Variants in L3MBTL3 observed in about 807,000 individuals in gnomAD.
L3MBTL3 encodes L3MBTL histone methyl-lysine binding protein 3, also known as lethal(3)malignant brain tumor-like protein 3.
A neutral mutation model predicts 102.3 loss-of-function variants in L3MBTL3; 27 were observed. The ratio of observed to expected loss-of-function variants is 0.26; its 90% CI spans 0.19 to 0.36. The LOEUF (loss-of-function observed/expected upper bound fraction) is 0.36. Ranked by LOEUF, L3MBTL3 falls within the 10% of genes least tolerant of loss-of-function variation. The probability of loss-of-function intolerance (pLI) is 1.00; values close to 1 mark genes in which losing one functional copy is unlikely to be tolerated. For missense variants in L3MBTL3, 798 were observed against 955.3 expected, an observed-to-expected ratio of 0.84 and a Z score of 2.17; for synonymous variants, 340 against 320.9, an observed-to-expected ratio of 1.06 and a Z score of -0.64.
At chr6:130,062,352 T>G (rs1781947225) in intron 10 of L3MBTL3, among the ~76,000 whole-genome samples, 1 of 151,832 alleles carries the variant, frequency 6.6e-6, no homozygotes, top group African/African-American at 2.4e-5. Context: ...ATTTTGTTTT[T>G]GACACACAGA....
intron 20 of L3MBTL3, among the ~76,000 whole-genome samples, chr6:130,124,827 G>A (rs898326395): frequency 6.6e-6 from 1 of 152,034 alleles, no homozygotes; most frequent in African/African-American, 2.4e-5. Context: ...GAAATCAGCC[G>A]GGCATGGTGG....
chr6:130,083,381 T>A (rs1027248928), intron 14 of L3MBTL3, among the ~76,000 whole-genome samples: 6 of 151,886 alleles, frequency 4.0e-5, no homozygotes, highest in Non-Finnish European at 5.9e-5. Flanking sequence ...ACTGTCTTTA[T>A]CTGAAAATAT....
At chr6:130,055,288 C>T (rs761191942) in intron 8 of L3MBTL3, 33 bp downstream of exon 8, 1 of 1,536,430 alleles carries the variant, frequency 6.5e-7, no homozygotes, top group Non-Finnish European at 8.9e-7. Flanking sequence ...TTACTTGTAA[C>T]TTTATGAAAT....
Position 130,077,050 on chromosome 6 carries a change from G to GA in L3MBTL3, c.1245-1507dup, listed in dbSNP as rs573713811. Reference sequence around the variant, plus strand: ...GTTTCTACTTTAAAATAAACACTGTGAGTCCGACAGATAATTATAAAAACT... The same window carrying GA: ...GTTTCTACTTTAAAATAAACACTGTGAAGTCCGACAGATAATTATAAAAACT... On this transcript the variant is annotated intron_variant, in intron 13 of 22. Coordinates refer to ENST00000361794, the MANE Select transcript of L3MBTL3 (RefSeq NM_032438.4). Among the ~76,000 whole-genome samples, 171 of 152,124 alleles carry GA rather than the reference G, an allele frequency of 1.1e-3. 1 individual carries two copies. The highest frequency in any genetic ancestry group is 4.0e-3 in the African/African-American group (167 of 41,522).
chr6:130,130,381 A>G (rs187855592), intron 20 of L3MBTL3, among the ~76,000 whole-genome samples: 8 of 152,342 alleles, frequency 5.3e-5, no homozygotes, highest in Admixed American at 5.2e-4. Flanking sequence ...GACTAATTAT[A>G]TGGCATGCAC....
intron 14 of L3MBTL3, among the ~76,000 whole-genome samples, chr6:130,081,997 G>A (rs1783389758): frequency 6.6e-6 from 1 of 152,128 alleles, no homozygotes; most frequent in African/African-American, 2.4e-5. Flanking sequence ...AGTAGGATTG[G>A]TATTTCCTCA....
At chr6:130,063,051 A>G (rs952890435) in intron 10 of L3MBTL3, among the ~76,000 whole-genome samples, 1 of 133,890 alleles carries the variant, frequency 7.5e-6, no homozygotes, top group East Asian at 2.2e-4. Flanking sequence ...ACAACATAGT[A>G]TTTGAATTCT....
chr6:130,055,901 GTCCCCTCCCCTTCCCTTCCC>G (rs1349464130), intron 8 of L3MBTL3, among the ~76,000 whole-genome samples: 3 of 140,666 alleles, frequency 2.1e-5, no homozygotes, highest in East Asian at 4.2e-4. Flanking sequence ...CTTCCCTTCT[GTCCCCTCCCCTTCCCTTCCC>G]TCCCCTCCCC....
intron 13 of L3MBTL3, among the ~76,000 whole-genome samples, chr6:130,076,027 C>T (rs914315050): frequency 2.6e-5 from 4 of 152,024 alleles, no homozygotes; most frequent in African/African-American, 4.8e-5. Flanking sequence ...CTTGATGACT[C>T]GGGCTGATGA....
At chr6:130,045,712 C>A (rs894573323) in intron 3 of L3MBTL3, among the ~76,000 whole-genome samples, 11 of 152,120 alleles carry the variant, frequency 7.2e-5, no homozygotes, top group African/African-American at 2.2e-4. Context: ...AAATTTATTT[C>A]AGCTGGAGGG....
At position 130,042,680 on chromosome 6, in the gene L3MBTL3, T is replaced by G. The variant is rs756562867; in HGVS notation, c.-15-5T>G. The stretch of plus-strand genomic sequence containing the variant: ...TTAGTGATATGCCTTCTTTTCCCCT[T>G]TCAGGTTAAAAAATAAATCATGACT... On this transcript the variant is annotated splice_region_variant and splice_polypyrimidine_tract_variant and intron_variant, in intron 2 of 22. Coordinates refer to ENST00000361794, the MANE Select transcript of L3MBTL3 (RefSeq NM_032438.4). The G allele has an allele frequency of 1.9e-6, 3 of 1,547,752 alleles. No homozygotes were observed. The South Asian group carries it at 3.3e-5, about 17-fold the overall frequency.
intron 14 of L3MBTL3, among the ~76,000 whole-genome samples, chr6:130,082,041 A>G (rs1476454838): frequency 6.6e-6 from 1 of 152,196 alleles, no homozygotes; most frequent in Non-Finnish European, 1.5e-5. Context: ...TTTGGCAGGA[A>G]TATCATAGAC....
At position 130,139,923 on chromosome 6, in the gene L3MBTL3, T is replaced by A. The variant is rs1408580680; in HGVS notation, c.*170T>A. 11 of 595,680 alleles carry A rather than the reference T, an allele frequency of 1.8e-5. No individual in the cohort carries two copies. The East Asian group carries it at 3.5e-4, about 19-fold the overall frequency. The allele number at this position is 595,680 out of a possible 1,614,324, so 36.9% of individuals were successfully genotyped here. On this transcript the variant is annotated 3_prime_UTR_variant, in exon 23 of 23. Transcript: ENST00000361794. ...CAATATATATGAATTCTTATGAAAG[T>A]GCTTGAGCTTTTAACCAGGTACTGT...
Position 130,082,370 on chromosome 6 carries a change from G to A in L3MBTL3, c.1322-1250G>A, listed in dbSNP as rs9492447. 2.6e-5 allele frequency among the ~76,000 whole-genome samples: 4 copies of A among 151,906 alleles called. No homozygotes were observed. The East Asian group carries it at 7.7e-4, about 29-fold the overall frequency. On this transcript the variant is annotated intron_variant, in intron 14 of 22. Transcript: ENST00000361794. The stretch of plus-strand genomic sequence containing the variant: ...CATCATTCCTTATACAAAATTAGTT[G>A]ATATTTTCCTGCAAAGAATAGCTTT...
chr6:130,066,284 G>GTATATATATATATA (rs1340667971), intron 10 of L3MBTL3, 69 bp from the exon 11 acceptor site: 37 of 268,664 alleles, frequency 1.4e-4, no homozygotes, highest in African/African-American at 9.9e-4. Context: ...GTTTATTTTT[G>GTATATATATATATA]TGTATATATA....
chr6:130,094,205 C>G, intron 17 of L3MBTL3, 60 bp from the exon 18 acceptor site: 1 of 1,320,870 alleles, frequency 7.6e-7, no homozygotes, highest in East Asian at 2.3e-5. Flanking sequence ...AGACATTTGA[C>G]TCTTCACAGA....
intron 18 of L3MBTL3, among the ~76,000 whole-genome samples, chr6:130,094,951 A>C (rs1784276055): frequency 6.6e-6 from 1 of 152,134 alleles, no homozygotes; most frequent in Non-Finnish European, 1.5e-5. Context: ...AATACTACTA[A>C]AGTACAGCTA....
At chr6:130,051,148 T>C (rs1781067503) in intron 5 of L3MBTL3, 101 bp from the exon 6 acceptor site, 2 of 937,286 alleles carry the variant, frequency 2.1e-6, no homozygotes, top group South Asian at 1.7e-5. Context: ...CACTATTCTT[T>C]ATTGTGTTGC....
At chr6:130,137,339 G>C (rs911878833) in intron 22 of L3MBTL3, among the ~76,000 whole-genome samples, 3 of 152,188 alleles carry the variant, frequency 2.0e-5, no homozygotes, top group African/African-American at 7.2e-5. Flanking sequence ...ATGCATTGCA[G>C]AAGCTAACCG....
Sources: gnomAD v4.1 joint callset for allele counts (sites outside exome capture counted in the v4.1 genomes callset) on GRCh38, gnomAD v4.1.1 for gene constraint, MANE v1.5 for transcripts, NCBI Gene and HGNC (gene_info 2026-07-23, HGNC 2026-07-21) for gene names.